GNA12: variants seen among roughly 807,000 people sequenced by gnomAD.
GNA12 encodes guanine nucleotide-binding protein subunit alpha-12.
A neutral mutation model predicts 26.0 loss-of-function variants in GNA12; 9 were observed. That is an observed-to-expected ratio of 0.35 (90% CI 0.21 to 0.60). The LOEUF (loss-of-function observed/expected upper bound fraction) is 0.60. Ranked by LOEUF, GNA12 falls within the 20% of genes least tolerant of loss-of-function variation. The probability of loss-of-function intolerance (pLI) is 0.78; values close to 1 mark genes in which losing one functional copy is unlikely to be tolerated. For missense variants in GNA12, 405 were observed against 525.8 expected, an observed-to-expected ratio of 0.77 and a Z score of 2.25; for synonymous variants, 264 against 219.6, an observed-to-expected ratio of 1.20 and a Z score of -1.79.
chr7:2,789,603 T>C (rs1324044182), intron 2 of GNA12, among the ~76,000 whole-genome samples: 1 of 152,210 alleles, frequency 6.6e-6, no homozygotes, highest in Non-Finnish European at 1.5e-5. Context: ...GAGACCTGCC[T>C]GCACCCACCT....
At chr7:2,781,247 C>T (rs756205652) in intron 2 of GNA12, among the ~76,000 whole-genome samples, 67 of 152,256 alleles carry the variant, frequency 4.4e-4, no homozygotes, top group Non-Finnish European at 5.4e-4. Flanking sequence ...ATCTTTTCCT[C>T]TTGGATTTGT....
At chr7:2,776,939 C>G (rs1288764803) in intron 2 of GNA12, among the ~76,000 whole-genome samples, 1 of 145,970 alleles carries the variant, frequency 6.9e-6, no homozygotes, top group African/African-American at 2.4e-5. Flanking sequence ...GACAGAGACT[C>G]TGTCTCAATA....
intron 2 of GNA12, among the ~76,000 whole-genome samples, chr7:2,747,519 C>T (rs928384356): frequency 6.6e-6 from 1 of 152,132 alleles, no homozygotes; most frequent in Non-Finnish European, 1.5e-5. Flanking sequence ...TGGGACGTAT[C>T]TCAAAATAAT....
Position 2,733,235 on chromosome 7 carries a change from T to C in GNA12, c.576+216A>G, listed in dbSNP as rs1789989496. Among the ~76,000 whole-genome samples, 4 of 152,328 alleles carry C rather than the reference T, an allele frequency of 2.6e-5. No homozygotes were observed. In the South Asian group the frequency reaches 6.2e-4, roughly 24 times the overall value. On this transcript the variant is annotated intron_variant, in intron 3 of 3. Transcript: ENST00000275364. The stretch of plus-strand genomic sequence containing the variant: ...TGAACTCCTCTGTCTGTCTCCTTTA[T>C]GGTGATCTGGGCAAAGGCAGTTTCC...
chr7:2,781,804 T>C (rs1049842080), intron 2 of GNA12, among the ~76,000 whole-genome samples: 57 of 152,188 alleles, frequency 3.7e-4, no homozygotes, highest in African/African-American at 1.3e-3. Flanking sequence ...TCTTCATCAA[T>C]AACAACTACA....
intron 1 of GNA12, among the ~76,000 whole-genome samples, chr7:2,839,156 G>C (rs1778919660): frequency 6.6e-6 from 1 of 152,220 alleles, no homozygotes. Context: ...ACATTTAAAA[G>C]AAGTGAAACC....
chr7:2,840,487 T>C (rs1288329960), intron 1 of GNA12, among the ~76,000 whole-genome samples: 1 of 152,222 alleles, frequency 6.6e-6, no homozygotes, highest in Non-Finnish European at 1.5e-5. Context: ...ACTAACCCTC[T>C]ATATAGCCAC....
At chr7:2,770,127 A>G (rs1341891940) in intron 2 of GNA12, among the ~76,000 whole-genome samples, 1 of 152,226 alleles carries the variant, frequency 6.6e-6, no homozygotes, top group Non-Finnish European at 1.5e-5. Context: ...ATTCAACTGC[A>G]TAGATAGCAA....
intron 2 of GNA12, among the ~76,000 whole-genome samples, chr7:2,788,753 G>A (rs1050032115): frequency 1.3e-5 from 2 of 152,162 alleles, no homozygotes; most frequent in African/African-American, 4.8e-5. Flanking sequence ...CCTCTGCCCT[G>A]CTATGACCAC....
chr7:2,743,656 G>A (rs921366335), intron 2 of GNA12, among the ~76,000 whole-genome samples: 1 of 152,166 alleles, frequency 6.6e-6, no homozygotes, highest in Non-Finnish European at 1.5e-5. Flanking sequence ...GAGGTACCGG[G>A]TTCATCTCAC....
intron 1 of GNA12, among the ~76,000 whole-genome samples, chr7:2,833,383 T>C (rs1017881757): frequency 3.9e-5 from 6 of 152,124 alleles, no homozygotes; most frequent in African/African-American, 1.4e-4. Context: ...CTCAACTGAG[T>C]AAGAACAGAA....
chr7:2,803,331 C>T (rs773520054), intron 1 of GNA12, among the ~76,000 whole-genome samples: 1 of 152,042 alleles, frequency 6.6e-6, no homozygotes, highest in Admixed American at 6.6e-5. Flanking sequence ...AGAAAGGGGA[C>T]GATCGAGGGC....
intron 1 of GNA12, among the ~76,000 whole-genome samples, chr7:2,800,999 C>T (rs1047246854): frequency 1.3e-5 from 2 of 152,080 alleles, no homozygotes; most frequent in African/African-American, 4.8e-5. Context: ...ACTATCTCGG[C>T]ACGGAGAAGG....
rs145657242 is a variant in GNA12 at position 2,815,853 on chromosome 7, G to A, written c.310-20710C>T. 2.0e-5 allele frequency among the ~76,000 whole-genome samples: 3 copies of A among 151,602 alleles called. No homozygotes were observed. In the East Asian group the frequency reaches 5.9e-4, roughly 30 times the overall value. On this transcript the variant is annotated intron_variant, in intron 1 of 3. Coordinates refer to ENST00000275364, the MANE Select transcript of GNA12 (RefSeq NM_007353.3). Reference sequence around the variant, plus strand: ...CAGAGACATTTCCCATCACTCCTCTGCTCCTCTCCATCTACACAAACACTG... The same window carrying A: ...CAGAGACATTTCCCATCACTCCTCTACTCCTCTCCATCTACACAAACACTG...
chr7:2,743,990 C>A (rs946976055), intron 2 of GNA12, among the ~76,000 whole-genome samples: 6 of 152,150 alleles, frequency 3.9e-5, no homozygotes, highest in Non-Finnish European at 8.8e-5. Context: ...CCACCATTGC[C>A]GAGACTTGAT....
intron 2 of GNA12, among the ~76,000 whole-genome samples, chr7:2,765,405 C>A (rs189056316): frequency 2.0e-5 from 3 of 151,666 alleles, no homozygotes; most frequent in African/African-American, 7.3e-5. Flanking sequence ...GTGATCCGCC[C>A]GCCTCGGCCT....
chr7:2,814,785 T>C, intron 1 of GNA12: 1 of 1,223,010 alleles, frequency 8.2e-7, no homozygotes, highest in Middle Eastern at 2.0e-4. Context: ...TAGAAAGGGT[T>C]CCCTGACCTG....
intron 1 of GNA12, among the ~76,000 whole-genome samples, chr7:2,811,504 T>C (rs975745557): frequency 6.6e-6 from 1 of 152,250 alleles, no homozygotes; most frequent in African/African-American, 2.4e-5. Flanking sequence ...CTTTATGTCA[T>C]GACCAATGAA....
intron 2 of GNA12, among the ~76,000 whole-genome samples, chr7:2,759,849 GCGATTGT>G (rs1791474729): frequency 6.6e-6 from 1 of 151,888 alleles, no homozygotes. Context: ...GCCGTCCAAT[GCGATTGT>G]CCGCCCCCGT....
Sources: allele counts gnomAD v4.1 joint callset (sites outside exome capture counted in the v4.1 genomes callset), GRCh38; gene constraint gnomAD v4.1.1; transcripts MANE v1.5; gene names NCBI Gene and HGNC (gene_info 2026-07-23, HGNC 2026-07-21).